The following PRR33 variants were observed in gnomAD, a reference collection of about 807,000 sequenced individuals.
PRR33 encodes proline rich 33.
A neutral mutation model predicts 0.5 loss-of-function variants in PRR33; 1 was observed. That is an observed-to-expected ratio of 2.18 (90% confidence interval 0.77 to 10.34). The LOEUF (loss-of-function observed/expected upper bound fraction) is 10.34, where lower values mean the gene tolerates loss of function less well. Among genes scored for constraint, PRR33 ranks in the 30% most tolerant of loss-of-function variants. The pLI is 0.13. For synonymous variants in PRR33, 226 were observed against 110.0 expected, an observed-to-expected ratio of 2.06 and a Z score of -6.60; for missense variants, 552 against 251.8, an observed-to-expected ratio of 2.19 and a Z score of -8.07.
At chr11:1,895,324 G>A (rs776904751), upstream of PRR33, among the ~76,000 whole-genome samples, 27 of 152,074 alleles carry the variant, frequency 1.8e-4, no homozygotes, top group Non-Finnish European at 3.7e-4. Context: ...GTAGAGGTGG[G>A]GTTTCACCAT....
At chr11:1,893,445 C>A (rs147626150), upstream of PRR33, among the ~76,000 whole-genome samples, 32 of 141,346 alleles carry the variant, frequency 2.3e-4, no homozygotes, top group Non-Finnish European at 3.6e-4. Context: ...GGCTGGCTGG[C>A]TGGCTGGATG....
chr11:1,913,308 T>G, the PRR33 span, among the ~76,000 whole-genome samples: 1 of 34,480 alleles, frequency 2.9e-5, no homozygotes, highest in South Asian at 5.9e-4. Context: ...TTTGTTTTTT[T>G]TTTTTTGTTT....
the PRR33 span, among the ~76,000 whole-genome samples, chr11:1,900,855 C>T: frequency 3.3e-5 from 5 of 152,312 alleles, no homozygotes; most frequent in East Asian, 9.6e-4. Flanking sequence ...TCAAATACTT[C>T]TGTCTCTCTC....
At chr11:1,905,091 A>G in the PRR33 span, among the ~76,000 whole-genome samples, 1 of 146,940 alleles carries the variant, frequency 6.8e-6, no homozygotes, top group African/African-American at 2.5e-5. Context: ...TATTTTCCTT[A>G]AGCTGAGAGC....
chr11:1,895,813 A>T (rs936796534), upstream of PRR33, among the ~76,000 whole-genome samples: 7 of 152,198 alleles, frequency 4.6e-5, no homozygotes, highest in Admixed American at 1.3e-4. Flanking sequence ...TTCTTGAAGA[A>T]GCTACAGTTG....
upstream of PRR33, among the ~76,000 whole-genome samples, chr11:1,896,791 G>C (rs1565095090): frequency 1.3e-5 from 2 of 152,206 alleles, no homozygotes; most frequent in South Asian, 4.1e-4. Context: ...TATTAGGTTA[G>C]GGAAGTTCCC....
chr11:1,906,901 C>T, the PRR33 span, among the ~76,000 whole-genome samples: 1 of 152,214 alleles, frequency 6.6e-6, no homozygotes. Context: ...CTGAGCTTCA[C>T]GAACTTCAGC....
upstream of PRR33, among the ~76,000 whole-genome samples, chr11:1,896,753 C>T (rs1278907024): frequency 6.6e-6 from 1 of 152,204 alleles, no homozygotes; most frequent in Non-Finnish European, 1.5e-5. Context: ...CTTCCGCCAT[C>T]GGTTGTGGGG....
upstream of PRR33, among the ~76,000 whole-genome samples, chr11:1,894,869 GAA>G (rs1343072312): frequency 6.6e-6 from 1 of 152,214 alleles, no homozygotes; most frequent in Non-Finnish European, 1.5e-5. Flanking sequence ...AGGTGTGTGT[GAA>G]ACTTGTTCAG....
chr11:1,910,318 C>A, the PRR33 span, among the ~76,000 whole-genome samples: 1 of 152,116 alleles, frequency 6.6e-6, no homozygotes, highest in East Asian at 1.9e-4. Flanking sequence ...GGCATGATCT[C>A]GGCTCACTGC....
chr11:1,903,752 C>T, the PRR33 span, among the ~76,000 whole-genome samples: 10 of 152,316 alleles, frequency 6.6e-5, no homozygotes, highest in Non-Finnish European at 5.9e-5. Flanking sequence ...TAAATCTTGG[C>T]TTTGGCTCTT....
chr11:1,890,348 T>C (rs1848945915), exon 1 of PRR33: 1 of 715,760 alleles, frequency 1.4e-6, no homozygotes, highest in Non-Finnish European at 2.6e-6. Context: ...CGTGCGGGGC[T>C]GTGACCTCCT....
the PRR33 span, among the ~76,000 whole-genome samples, chr11:1,898,081 A>G: frequency 1.3e-5 from 2 of 152,198 alleles, no homozygotes; most frequent in South Asian, 4.1e-4. Flanking sequence ...GTGCCACAAG[A>G]AGCATCGGCA....
chr11:1,916,356 A>G, the PRR33 span, among the ~76,000 whole-genome samples: 3 of 152,084 alleles, frequency 2.0e-5, no homozygotes, highest in South Asian at 6.2e-4. Flanking sequence ...TGCCTCATGA[A>G]TACACACAGT....
At chr11:1,889,285 G>T in exon 1 of PRR33, 1 of 697,302 alleles carries the variant, frequency 1.4e-6, no homozygotes, top group Non-Finnish European at 2.7e-6. Context: ...TACAGGAAGG[G>T]CAGGCGGGTG....
the PRR33 span, among the ~76,000 whole-genome samples, chr11:1,899,863 T>C: frequency 6.6e-6 from 1 of 152,072 alleles, no homozygotes; most frequent in Non-Finnish European, 1.5e-5. Context: ...AAAACACGCA[T>C]TGAAAATGAC....
chr11:1,890,654 G>A (rs548486209), exon 1 of PRR33: 11 of 656,782 alleles, frequency 1.7e-5, no homozygotes, highest in Non-Finnish European at 3.1e-5. Context: ...GGAGGCCTGT[G>A]TCTCCTGTGG....
At chr11:1,913,294 CTTTTTTGTTTTTTT>C in the PRR33 span, among the ~76,000 whole-genome samples, 50 of 95,572 alleles carry the variant, frequency 5.2e-4, no homozygotes, top group Non-Finnish European at 1.0e-3. Flanking sequence ...GCCCAGCTAA[CTTTTTTGTTTTTTT>C]TTTTTTGTTT....
chr11:1,894,889 C>G (rs1849106497), upstream of PRR33, among the ~76,000 whole-genome samples: 2 of 152,152 alleles, frequency 1.3e-5, no homozygotes, highest in East Asian at 1.9e-4. Flanking sequence ...CAGAAACGGC[C>G]TAGCTCTCAT....
Sources: gnomAD v4.1 joint callset for allele counts (sites outside exome capture counted in the v4.1 genomes callset) on GRCh38, gnomAD v4.1.1 for gene constraint, MANE v1.5 for transcripts, NCBI Gene and HGNC (gene_info 2026-07-23, HGNC 2026-07-21) for gene names.